Variants in GPC5 observed in about 807,000 individuals in gnomAD.
GPC5 encodes the protein glypican 5, also known as glypican-5.
A neutral mutation model predicts 53.9 loss-of-function variants in GPC5; 47 were observed. The observed-to-expected ratio is 0.87, with a 90% CI of 0.69 to 1.11. The LOEUF is 1.11. Ranked by LOEUF, GPC5 falls within the 50% of genes most tolerant of loss-of-function variation. The pLI is 0.00. For synonymous variants in GPC5, 286 were observed against 263.3 expected (o/e 1.09, Z -0.84); for missense variants, 748 against 713.1 (o/e 1.05, Z -0.56).
chr13:92,554,897 G>A (rs1281623975), intron 7 of GPC5, among the ~76,000 whole-genome samples: 3 of 149,354 alleles, frequency 2.0e-5, no homozygotes, highest in Admixed American at 2.0e-4. Context: ...ATAATTTTGG[G>A]TATTTTTTTT....
At chr13:91,827,305 TA>T (rs1222797277) in intron 5 of GPC5, among the ~76,000 whole-genome samples, 26 of 151,834 alleles carry the variant, frequency 1.7e-4, no homozygotes, top group Non-Finnish European at 3.2e-4. Context: ...CAATAAAGAA[TA>T]ACCAAAGCAT....
chr13:92,410,234 G>A (rs537583068), intron 7 of GPC5, among the ~76,000 whole-genome samples: 31 of 152,268 alleles, frequency 2.0e-4, no homozygotes, highest in African/African-American at 6.5e-4. Flanking sequence ...TTCAGGCTGG[G>A]CAGTAATCTA....
chr13:91,997,822 T>G (rs767575165), intron 6 of GPC5, among the ~76,000 whole-genome samples: 1 of 152,128 alleles, frequency 6.6e-6, no homozygotes, highest in Non-Finnish European at 1.5e-5. Flanking sequence ...ACCTGGCCCC[T>G]CTTGGTTGTT....
At chr13:91,908,968 G>T (rs2039582864) in intron 6 of GPC5, among the ~76,000 whole-genome samples, 1 of 152,172 alleles carries the variant, frequency 6.6e-6, no homozygotes, top group Non-Finnish European at 1.5e-5. Flanking sequence ...GTTCTGCAAA[G>T]ACAAAGCTTA....
intron 7 of GPC5, among the ~76,000 whole-genome samples, chr13:92,299,592 G>C (rs2043061402): frequency 6.6e-6 from 1 of 152,050 alleles, no homozygotes; most frequent in Admixed American, 6.6e-5. Context: ...AAAAACCAAT[G>C]ACATAATTCA....
At chr13:91,666,317 C>T (rs376119717) in intron 2 of GPC5, among the ~76,000 whole-genome samples, 1 of 152,260 alleles carries the variant, frequency 6.6e-6, no homozygotes, top group East Asian at 1.9e-4. Flanking sequence ...TACATATAAG[C>T]TGTGAGACAC....
chr13:91,983,027 A>G (rs1232072286), intron 6 of GPC5, among the ~76,000 whole-genome samples: 2 of 126,670 alleles, frequency 1.6e-5, no homozygotes, highest in Middle Eastern at 4.1e-3. Flanking sequence ...TTGGGTTAGT[A>G]CAACTGGACT....
chr13:92,810,183 C>T (rs1300063809), intron 7 of GPC5, among the ~76,000 whole-genome samples: 1 of 151,842 alleles, frequency 6.6e-6, no homozygotes, highest in Non-Finnish European at 1.5e-5. Flanking sequence ...GATAATTCTA[C>T]TAGGTAATCA....
chr13:92,317,646 A>G (rs1317580301), intron 7 of GPC5, among the ~76,000 whole-genome samples: 1 of 145,092 alleles, frequency 6.9e-6, no homozygotes, highest in Non-Finnish European at 1.5e-5. Flanking sequence ...GGCATGCACA[A>G]TCATGTCTGC....
intron 7 of GPC5, among the ~76,000 whole-genome samples, chr13:92,249,888 T>G (rs1048017478): frequency 2.6e-5 from 4 of 152,110 alleles, no homozygotes; most frequent in Middle Eastern, 3.2e-3. Context: ...TCTCTTAGTT[T>G]CCGGTACAAT....
chr13:92,009,253 C>CGT (rs3059952), intron 6 of GPC5, among the ~76,000 whole-genome samples: 6,498 of 139,708 alleles, frequency 0.047, 289 homozygotes, highest in African/African-American at 0.12. Flanking sequence ...GCTGGATTTT[C>CGT]GTGTGTGTGT....
At chr13:91,972,979 C>T (rs550586905) in intron 6 of GPC5, among the ~76,000 whole-genome samples, 5 of 152,110 alleles carry the variant, frequency 3.3e-5, no homozygotes, top group East Asian at 1.9e-4. Context: ...ATCTTTGTGG[C>T]GTTCTCTGTA....
intron 6 of GPC5, among the ~76,000 whole-genome samples, chr13:91,979,720 G>T (rs2040340339): frequency 6.6e-6 from 1 of 152,188 alleles, no homozygotes; most frequent in African/African-American, 2.4e-5. Context: ...CAAAGTCTCT[G>T]CATTCACTGT....
chr13:92,400,416 T>C (rs575706447), intron 7 of GPC5, among the ~76,000 whole-genome samples: 1 of 152,192 alleles, frequency 6.6e-6, no homozygotes, highest in African/African-American at 2.4e-5. Flanking sequence ...CCCAAGAACA[T>C]TGTATCTCAT....
intron 6 of GPC5, among the ~76,000 whole-genome samples, chr13:91,994,087 C>A (rs1479907452): frequency 6.6e-6 from 1 of 152,174 alleles, no homozygotes; most frequent in Non-Finnish European, 1.5e-5. Context: ...ACAGTATATG[C>A]CACTTTGGCT....
chr13:92,859,993 T>C (rs982343021), intron 7 of GPC5, among the ~76,000 whole-genome samples: 80 of 152,158 alleles, frequency 5.3e-4, no homozygotes, highest in African/African-American at 1.8e-3. Context: ...TTATTATTCA[T>C]TATTAGAGAG....
intron 1 of GPC5, among the ~76,000 whole-genome samples, chr13:91,429,372 G>A (rs1488256848): frequency 6.6e-6 from 1 of 152,038 alleles, no homozygotes; most frequent in African/African-American, 2.4e-5. Flanking sequence ...CATGGTCTAT[G>A]TCCCCAAGAA....
intron 7 of GPC5, among the ~76,000 whole-genome samples, chr13:92,790,324 CAAAAG>C (rs1442260213): frequency 6.6e-6 from 1 of 151,968 alleles, no homozygotes; most frequent in African/African-American, 2.4e-5. Flanking sequence ...TTCTAGGAGT[CAAAAG>C]AAGAGATAAT....
chr13:92,558,047 AC>A (rs543992823), intron 7 of GPC5, among the ~76,000 whole-genome samples: 6 of 152,038 alleles, frequency 3.9e-5, no homozygotes, highest in Non-Finnish European at 8.8e-5. Context: ...GATCCGAGGT[AC>A]TAAAAGAAGA....
Sources: gnomAD v4.1 joint callset for allele counts (sites outside exome capture counted in the v4.1 genomes callset) on GRCh38, gnomAD v4.1.1 for gene constraint, MANE v1.5 for transcripts, NCBI Gene and HGNC (gene_info 2026-07-23, HGNC 2026-07-21) for gene names.